PARD3B: variants seen among roughly 807,000 people sequenced by gnomAD.
PARD3B encodes partitioning defective 3 homolog B.
PARD3B carries 103 observed loss-of-function variants against 130.2 expected under a neutral mutation model. The observed-to-expected ratio is 0.79, with a 90% CI of 0.67 to 0.93. The LOEUF is 0.93. Among genes scored for constraint, PARD3B ranks in the 40% least tolerant of loss-of-function variants. The pLI, the probability that PARD3B is intolerant of heterozygous loss-of-function variation, is 0.00. For missense variants in PARD3B, 1,609 were observed against 1,499.2 expected (o/e 1.07, Z -1.21); for synonymous variants, 583 against 553.2 (o/e 1.05, Z -0.76).
At chr2:205,054,080 CT>C (rs1476667266) in intron 4 of PARD3B, among the ~76,000 whole-genome samples, 1 of 151,850 alleles carries the variant, frequency 6.6e-6, no homozygotes, top group African/African-American at 2.4e-5. Context: ...CAAATGTTTA[CT>C]TCATTTGGCA....
At chr2:205,154,683 T>A (rs1251026093) in intron 10 of PARD3B, among the ~76,000 whole-genome samples, 1 of 152,162 alleles carries the variant, frequency 6.6e-6, no homozygotes. Flanking sequence ...TAAGAAAACA[T>A]GGCACATATA....
rs188949911 is a variant in PARD3B at position 204,928,533 on chromosome 2, A to G, written c.223-36619A>G. The stretch of plus-strand genomic sequence containing the variant: ...CCTAAAACTCTGAAATACTATCACA[A>G]TGTGACTTGGTGCTTAAACAAGTGG... On this transcript the variant is annotated intron_variant, in intron 2 of 22. Coordinates refer to ENST00000406610, the MANE Select transcript of PARD3B (RefSeq NM_001302769.2). Among the ~76,000 whole-genome samples, 7 of 152,260 alleles carry G rather than the reference A, an allele frequency of 4.6e-5. No individual in the cohort carries two copies. The South Asian group carries it at 1.0e-3, about 23-fold the overall frequency.
Position 204,970,053 on chromosome 2 carries a change from T to G in PARD3B, c.394+4730T>G, listed in dbSNP as rs187357114. ...TTCTGATTTTTTAAGTATGTACATATAGGGCCATCTGTAAAAAAGACAAAT... is the reference window on the plus strand; with the variant it reads ...TTCTGATTTTTTAAGTATGTACATAGAGGGCCATCTGTAAAAAAGACAAAT... On this transcript the variant is annotated intron_variant, in intron 3 of 22. Transcript: ENST00000406610. Among the ~76,000 whole-genome samples, 569 of 152,276 alleles carry G rather than the reference T, an allele frequency of 3.7e-3. 10 individuals are homozygous for G. In the Middle Eastern group the frequency reaches 0.048, roughly 13 times the overall value.
chr2:205,603,358 T>C (rs548797123), intron 22 of PARD3B, among the ~76,000 whole-genome samples: 1 of 152,358 alleles, frequency 6.6e-6, no homozygotes, highest in Admixed American at 6.5e-5. Context: ...TGTAGATATC[T>C]ATCAGATACA....
intron 22 of PARD3B, among the ~76,000 whole-genome samples, chr2:205,581,318 T>C (rs999914112): frequency 7.3e-6 from 1 of 136,582 alleles, no homozygotes; most frequent in Non-Finnish European, 1.6e-5. Flanking sequence ...ATAGATCCTG[T>C]CATTTATATC....
chr2:204,700,517 G>A (rs919618880), intron 2 of PARD3B, among the ~76,000 whole-genome samples: 7 of 152,024 alleles, frequency 4.6e-5, no homozygotes, highest in East Asian at 1.9e-4. Flanking sequence ...TTTTTGACAC[G>A]CAATCTTTTA....
intron 2 of PARD3B, among the ~76,000 whole-genome samples, chr2:204,893,836 G>A (rs2046539539): frequency 6.6e-6 from 1 of 152,088 alleles, no homozygotes; most frequent in Non-Finnish European, 1.5e-5. Flanking sequence ...CTTATGAATA[G>A]AAAAGAGCTG....
intron 2 of PARD3B, among the ~76,000 whole-genome samples, chr2:204,720,499 T>A (rs530380220): frequency 6.6e-6 from 1 of 152,326 alleles, no homozygotes; most frequent in Non-Finnish European, 1.5e-5. Context: ...GGGAAAAGTA[T>A]ACCATTAAAC....
chr2:205,099,608 T>G (rs1702613920), intron 4 of PARD3B, among the ~76,000 whole-genome samples: 1 of 152,238 alleles, frequency 6.6e-6, no homozygotes, highest in Admixed American at 6.5e-5. Context: ...AATGATTTTA[T>G]GTACCCTGTT....
At chr2:204,809,547 T>C (rs1040722035) in intron 2 of PARD3B, among the ~76,000 whole-genome samples, 11 of 150,868 alleles carry the variant, frequency 7.3e-5, no homozygotes, top group Non-Finnish European at 1.3e-4. Flanking sequence ...GAACAGGTGG[T>C]CATAGATGTG....
rs991306157 is a variant in PARD3B at position 205,568,147 on chromosome 2, G to A, written c.3260+14744G>A. 6.6e-6 allele frequency among the ~76,000 whole-genome samples: 1 copy of A among 152,194 alleles called. No individual in the cohort carries two copies. Among genetic ancestry groups the A allele is most frequent in the Non-Finnish European group, 1.5e-5 (1 of 68,034 alleles). On this transcript the variant is annotated intron_variant, in intron 22 of 22. Transcript: ENST00000406610. The surrounding 1 kb of genome is among the most constrained non-coding windows in gnomAD (Gnocchi z 5.3). ...AAGTGCTGCAGTGATGGGGGTGTGG[G>A]GGCAGTCTGCTGCCACAACTAAGGA... is the stretch of plus-strand genomic sequence containing the variant.
At chr2:205,581,770 A>C (rs1386068448) in intron 22 of PARD3B, among the ~76,000 whole-genome samples, 1 of 152,126 alleles carries the variant, frequency 6.6e-6, no homozygotes, top group Non-Finnish European at 1.5e-5. Context: ...ATTTTTAAAA[A>C]GATACCTAAA....
At chr2:204,662,654 A>G (rs2035862495) in intron 1 of PARD3B, among the ~76,000 whole-genome samples, 1 of 152,150 alleles carries the variant, frequency 6.6e-6, no homozygotes, top group South Asian at 2.1e-4. Flanking sequence ...AACATTTATA[A>G]TTGTTATTGC....
At chr2:204,914,327 T>A (rs1048069286) in intron 2 of PARD3B, among the ~76,000 whole-genome samples, 3 of 152,200 alleles carry the variant, frequency 2.0e-5, no homozygotes, top group African/African-American at 7.2e-5. Flanking sequence ...AGGACCCCGT[T>A]TTTAGCTGAA....
intron 3 of PARD3B, among the ~76,000 whole-genome samples, chr2:204,991,965 T>G (rs1240080886): frequency 6.6e-6 from 1 of 151,934 alleles, no homozygotes; most frequent in African/African-American, 2.4e-5. Flanking sequence ...TCATTGTAGA[T>G]TCTGGATATT....
At chr2:204,649,545 A>ACAC (rs1013575918) in intron 1 of PARD3B, among the ~76,000 whole-genome samples, 4 of 151,962 alleles carry the variant, frequency 2.6e-5, no homozygotes, top group Non-Finnish European at 4.4e-5. Context: ...CTGGTAAACA[A>ACAC]CACCACCACC....
chr2:204,707,536 T>G (rs1194925256), intron 2 of PARD3B, among the ~76,000 whole-genome samples: 1 of 152,222 alleles, frequency 6.6e-6, no homozygotes, highest in African/African-American at 2.4e-5. Context: ...AGATGATGGA[T>G]AACTAAATAA....
chr2:205,238,937 CATATATAT>C (rs57497696), intron 15 of PARD3B, among the ~76,000 whole-genome samples: 1 of 92,796 alleles, frequency 1.1e-5, no homozygotes, highest in Admixed American at 1.3e-4. Context: ...TATGTATGTG[CATATATAT>C]ATATATATAT....
At chr2:205,451,838 T>G (rs796561685) in intron 20 of PARD3B, among the ~76,000 whole-genome samples, 3 of 152,128 alleles carry the variant, frequency 2.0e-5, no homozygotes, top group Non-Finnish European at 4.4e-5. Flanking sequence ...TATACTCTTT[T>G]AGGTATTTTT....
Sources: gnomAD v4.1 joint callset for allele counts (sites outside exome capture counted in the v4.1 genomes callset) on GRCh38, gnomAD v4.1.1 for gene constraint, Gnocchi (gnomAD v3.1) non-coding constraint, MANE v1.5 for transcripts, NCBI Gene and HGNC (gene_info 2026-07-23, HGNC 2026-07-21) for gene names.